ADAMTS16: variants seen among roughly 807,000 people sequenced by gnomAD.
The protein encoded by ADAMTS16 is A disintegrin and metalloproteinase with thrombospondin motifs 16.
A neutral mutation model predicts 145.8 loss-of-function variants in ADAMTS16; 94 were observed. That is an observed-to-expected ratio of 0.64 (90% confidence interval 0.55 to 0.77). The LOEUF (loss-of-function observed/expected upper bound fraction) is 0.77, where lower values mean the gene tolerates loss of function less well. Among genes scored for constraint, ADAMTS16 ranks in the 30% least tolerant of loss-of-function variants. The probability of loss-of-function intolerance (pLI) is 0.00; values close to 1 mark genes in which losing one functional copy is unlikely to be tolerated. For missense variants in ADAMTS16, 1,585 were observed against 1,591.5 expected, an observed-to-expected ratio of 1.00 and a Z score of 0.07; for synonymous variants, 659 against 604.3, an observed-to-expected ratio of 1.09 and a Z score of -1.33.
chr5:5,140,334 A>G lies in ADAMTS16; in HGVS notation c.-134A>G. 3.2e-6 allele frequency: 3 copies of G among 926,424 alleles called. No individual in the cohort carries two copies. Among genetic ancestry groups the G allele is most frequent in the Non-Finnish European group, 4.5e-6 (3 of 670,108 alleles). 57.4% of individuals were successfully genotyped at this position (926,424 alleles called of 1,614,324 possible). A position where few individuals can be genotyped will look rare whatever the true frequency, so the allele number is the denominator to read the frequency against. ...CCCCGCGCCGCACGGAGCTTCAGTA[A>G]TAACCCCGGCGCGGCGGCGGAGTCG... On this transcript the variant is annotated 5_prime_UTR_variant, in exon 1 of 23. Transcript: ENST00000274181.
At chr5:5,213,657 G>A (rs1461071862) in intron 10 of ADAMTS16, among the ~76,000 whole-genome samples, 1 of 152,114 alleles carries the variant, frequency 6.6e-6, no homozygotes, top group African/African-American at 2.4e-5. Context: ...GGTGTAGCCG[G>A]TACTCTCGTG....
intron 3 of ADAMTS16, among the ~76,000 whole-genome samples, chr5:5,151,701 TG>T (rs1734464475): frequency 1.3e-5 from 2 of 150,986 alleles, no homozygotes; most frequent in African/African-American, 2.4e-5. Flanking sequence ...TGTGTGTGTG[TG>T]TGTGTGTGTG....
At chr5:5,231,269 T>A (rs139674932) in intron 11 of ADAMTS16, among the ~76,000 whole-genome samples, 34 of 152,324 alleles carry the variant, frequency 2.2e-4, no homozygotes, top group African/African-American at 7.7e-4. Context: ...TCTTCAGAAT[T>A]TCTTGTTTTT....
At chr5:5,151,358 C>G (rs1482509903) in intron 3 of ADAMTS16, among the ~76,000 whole-genome samples, 1 of 151,894 alleles carries the variant, frequency 6.6e-6, no homozygotes, top group Non-Finnish European at 1.5e-5. Context: ...CCTGCCTCAG[C>G]CTCCCGAGTA....
At chr5:5,226,279 G>A (rs1338829084) in intron 11 of ADAMTS16, among the ~76,000 whole-genome samples, 4 of 152,164 alleles carry the variant, frequency 2.6e-5, no homozygotes, top group South Asian at 4.1e-4. Flanking sequence ...GGGAGGCCTC[G>A]CAATCATGGT....
intron 9 of ADAMTS16, among the ~76,000 whole-genome samples, chr5:5,203,798 G>C (rs1304610707): frequency 6.6e-6 from 1 of 152,074 alleles, no homozygotes; most frequent in Admixed American, 6.6e-5. Context: ...GAAAATGCCA[G>C]CTCTCTGACC....
At chr5:5,221,115 G>A (rs1736594279) in intron 10 of ADAMTS16, among the ~76,000 whole-genome samples, 1 of 151,912 alleles carries the variant, frequency 6.6e-6, no homozygotes, top group South Asian at 2.1e-4. Context: ...CACAGGCTGT[G>A]GTTTTAAGGG....
intron 4 of ADAMTS16, among the ~76,000 whole-genome samples, chr5:5,185,384 C>T (rs972239794): frequency 2.0e-5 from 3 of 152,142 alleles, no homozygotes; most frequent in Non-Finnish European, 4.4e-5. Flanking sequence ...TAATTGTTTT[C>T]AATGTAGTGT....
intron 9 of ADAMTS16, among the ~76,000 whole-genome samples, chr5:5,201,048 A>G (rs1400909073): frequency 6.6e-6 from 1 of 152,188 alleles, no homozygotes; most frequent in Non-Finnish European, 1.5e-5. Flanking sequence ...TATTTCTGAC[A>G]TTACAGTCCA....
chr5:5,247,744 C>T (rs1808528), intron 17 of ADAMTS16, among the ~76,000 whole-genome samples: 20,522 of 152,286 alleles, frequency 0.13, 1,433 homozygotes, highest in South Asian at 0.17. Flanking sequence ...TCCAGATGGG[C>T]TGCATTTCCC....
At chr5:5,189,090 G>T (rs1560064) in intron 6 of ADAMTS16, among the ~76,000 whole-genome samples, 5 of 152,078 alleles carry the variant, frequency 3.3e-5, no homozygotes, top group Non-Finnish European at 5.9e-5. Context: ...AAACATTTCA[G>T]GAGAAAACAT....
At chr5:5,198,921 C>G (rs2126588806) in intron 8 of ADAMTS16, among the ~76,000 whole-genome samples, 1 of 152,276 alleles carries the variant, frequency 6.6e-6, no homozygotes, top group South Asian at 2.1e-4. Context: ...TTTGCTTTCC[C>G]TCTCTCTTGC....
At chr5:5,168,048 G>A (rs1734929177) in intron 3 of ADAMTS16, among the ~76,000 whole-genome samples, 1 of 152,138 alleles carries the variant, frequency 6.6e-6, no homozygotes, top group Admixed American at 6.5e-5. Context: ...GATCCTTTTA[G>A]TATGTTGGCC....
chr5:5,168,348 G>A (rs540697654), intron 3 of ADAMTS16, among the ~76,000 whole-genome samples: 14 of 101,616 alleles, frequency 1.4e-4, no homozygotes, highest in South Asian at 3.8e-4. Context: ...TTATTTATCC[G>A]AAACATTATT....
chr5:5,259,867 T>C (rs935073399), intron 17 of ADAMTS16, among the ~76,000 whole-genome samples: 2 of 152,232 alleles, frequency 1.3e-5, no homozygotes, highest in East Asian at 1.9e-4. Context: ...TATTTTCTTT[T>C]AGCATTACTC....
intron 10 of ADAMTS16, among the ~76,000 whole-genome samples, chr5:5,215,768 GTA>G (rs1216585274): frequency 7.3e-6 from 1 of 136,906 alleles, no homozygotes; most frequent in Non-Finnish European, 1.5e-5. Flanking sequence ...TATGTATGTG[GTA>G]TATATATATG....
At chr5:5,252,110 A>G (rs1217428869) in intron 17 of ADAMTS16, among the ~76,000 whole-genome samples, 2 of 152,170 alleles carry the variant, frequency 1.3e-5, no homozygotes, top group Non-Finnish European at 2.9e-5. Flanking sequence ...CGGCCTCCCA[A>G]AGTGCTGGGA....
At chr5:5,308,454 C>G (rs918101869) in intron 21 of ADAMTS16, among the ~76,000 whole-genome samples, 1 of 152,188 alleles carries the variant, frequency 6.6e-6, no homozygotes, top group Admixed American at 6.5e-5. Context: ...GTTCTGGGTC[C>G]CCCTGCACTG....
intron 21 of ADAMTS16, among the ~76,000 whole-genome samples, chr5:5,311,300 C>CAAAAAAAAA (rs57267931): frequency 2.3e-5 from 3 of 127,932 alleles, no homozygotes; most frequent in African/African-American, 3.0e-5. Context: ...TTGACATAGG[C>CAAAAAAAAA]AAAAAAAAAA....
Sources: gnomAD v4.1 joint callset for allele counts (sites outside exome capture counted in the v4.1 genomes callset) on GRCh38, gnomAD v4.1.1 for gene constraint, MANE v1.5 for transcripts, NCBI Gene and HGNC (gene_info 2026-07-23, HGNC 2026-07-21) for gene names.